The following EPG5 variants were observed in gnomAD, a reference collection of about 807,000 sequenced individuals.
EPG5 encodes ectopic P granules protein 5 homolog.
In EPG5, 159 loss-of-function variants were observed where a neutral mutation model predicts 302.7. That is an observed-to-expected ratio of 0.53 (90% CI 0.46 to 0.60). The LOEUF (loss-of-function observed/expected upper bound fraction) is 0.60. Ranked by LOEUF, EPG5 falls within the 20% of genes least tolerant of loss-of-function variation. The pLI is 0.00. For missense variants in EPG5, 2,896 were observed against 3,092.4 expected (o/e 0.94, Z 1.51); for synonymous variants, 1,158 against 1,136.8 (o/e 1.02, Z -0.37).
chr18:45,930,877 A>G (rs1249420079), intron 11 of EPG5, 47 bp from the exon 12 acceptor site: 2 of 1,482,406 alleles, frequency 1.3e-6, no homozygotes, highest in Non-Finnish European at 1.8e-6. Context: ...GAATAAATTT[A>G]TATCTTTTAA....
At chr18:45,829,875 C>T in the EPG5 span, among the ~76,000 whole-genome samples, 1 of 152,108 alleles carries the variant, frequency 6.6e-6, no homozygotes, top group Non-Finnish European at 1.5e-5. Flanking sequence ...CCTCAAAATC[C>T]GTGTCACATA....
At chr18:45,830,050 G>A in the EPG5 span, among the ~76,000 whole-genome samples, 2 of 152,264 alleles carry the variant, frequency 1.3e-5, no homozygotes, top group South Asian at 4.1e-4. Context: ...CAGAGAGCAA[G>A]TGACCCGTGC....
chr18:45,893,001 G>C (rs1240164444), intron 27 of EPG5, among the ~76,000 whole-genome samples: 1 of 152,100 alleles, frequency 6.6e-6, no homozygotes, highest in African/African-American at 2.4e-5. Flanking sequence ...CAGACTCAGA[G>C]AGAAAATGAA....
intron 27 of EPG5, among the ~76,000 whole-genome samples, chr18:45,892,278 G>A (rs1336841526): frequency 6.6e-6 from 1 of 152,084 alleles, no homozygotes; most frequent in Non-Finnish European, 1.5e-5. Context: ...CACTACTGTT[G>A]AAAGTTTTCT....
chr18:45,842,969 G>C (rs1380908665), downstream of EPG5: 1 of 152,354 alleles, frequency 6.6e-6, no homozygotes, highest in Non-Finnish European at 1.5e-5. Flanking sequence ...TTTACCCCAT[G>C]CCCCCTGGGA....
chr18:45,861,162 T>C (rs2145217553), intron 39 of EPG5, among the ~76,000 whole-genome samples: 1 of 152,288 alleles, frequency 6.6e-6, no homozygotes, highest in South Asian at 2.1e-4. Context: ...TCAAAACAAA[T>C]TCATCTACTT....
At chr18:45,954,280 T>C (rs2143776726) in intron 2 of EPG5, 114 bp downstream of exon 2, 1 of 968,282 alleles carries the variant, frequency 1.0e-6, no homozygotes, top group Non-Finnish European at 1.5e-6. Flanking sequence ...CTGCACTCTA[T>C]TACTCTAGGC....
intron 10 of EPG5, among the ~76,000 whole-genome samples, chr18:45,938,016 A>C (rs774754195): frequency 6.6e-6 from 1 of 152,198 alleles, no homozygotes; most frequent in African/African-American, 2.4e-5. Context: ...CACAAGAACA[A>C]GTAACAGATC....
chr18:45,858,489 A>G (rs2048563738), intron 41 of EPG5, 77 bp downstream of exon 41: 14 of 1,128,014 alleles, frequency 1.2e-5, no homozygotes, highest in Non-Finnish European at 1.7e-5. Flanking sequence ...CTGTGTACTT[A>G]AAGCTAGACT....
chr18:45,857,743 G>A (rs1408062222), intron 42 of EPG5, 110 bp downstream of exon 42: 24 of 634,746 alleles, frequency 3.8e-5, no homozygotes, highest in South Asian at 9.0e-5. Context: ...TCTTTCTGGA[G>A]AACCTAGATC....
chr18:45,959,316 G>T (rs912374239), intron 1 of EPG5, among the ~76,000 whole-genome samples: 1 of 151,912 alleles, frequency 6.6e-6, no homozygotes. Context: ...ATTCCAGCCT[G>T]GGTGACAGAG....
the EPG5 span, among the ~76,000 whole-genome samples, chr18:45,832,024 G>C: frequency 1.3e-5 from 2 of 152,190 alleles, no homozygotes; most frequent in African/African-American, 2.4e-5. Context: ...GAGCCGCCAC[G>C]CCCGGCCCAA....
the EPG5 span, among the ~76,000 whole-genome samples, chr18:45,823,008 T>A: frequency 6.6e-6 from 1 of 152,036 alleles, no homozygotes. Context: ...AGATCCTAGG[T>A]CAAGGGATAT....
intron 35 of EPG5, among the ~76,000 whole-genome samples, chr18:45,874,676 T>C (rs2048935192): frequency 6.6e-6 from 1 of 152,220 alleles, no homozygotes. Flanking sequence ...GATTCAATTA[T>C]CTTCCACTGG....
chr18:45,949,629 T>C, intron 4 of EPG5, 38 bp from the exon 5 acceptor site: 1 of 1,377,462 alleles, frequency 7.3e-7, no homozygotes, highest in Non-Finnish European at 1.0e-6. Context: ...CTATTTTTAA[T>C]AAAAGAAATA....
chr18:45,923,462 T>A, intron 14 of EPG5, 75 bp from the exon 15 acceptor site: 1 of 1,452,478 alleles, frequency 6.9e-7, no homozygotes, highest in Non-Finnish European at 9.4e-7. Context: ...ATCAAAACAT[T>A]AGGCAGAATA....
intron 11 of EPG5, 107 bp from the exon 12 acceptor site, chr18:45,930,937 C>A (rs980746918): frequency 6.3e-6 from 7 of 1,105,196 alleles, no homozygotes; most frequent in Non-Finnish European, 4.9e-6. Context: ...TACAAAAGGT[C>A]TTTCTTTGTT....
At position 45,929,681 on chromosome 18, in the gene EPG5, T is replaced by C. The variant is rs1262019648; in HGVS notation, c.2413-672A>G. On this transcript the variant is annotated intron_variant, in intron 12 of 43. Transcript: ENST00000282041. ...AAACTTTACTCAAGAGCATAAATATTACTTTAGCAACAGATCTTGAGAATG... is the reference window on the plus strand; with the variant it reads ...AAACTTTACTCAAGAGCATAAATATCACTTTAGCAACAGATCTTGAGAATG... 2.0e-5 allele frequency among the ~76,000 whole-genome samples: 3 copies of C among 152,208 alleles called. No individual in the cohort carries two copies. The East Asian group carries it at 5.8e-4, about 29-fold the overall frequency.
chr18:45,832,270 T>C, the EPG5 span, among the ~76,000 whole-genome samples: 471 of 152,272 alleles, frequency 3.1e-3, 2 homozygotes, highest in African/African-American at 0.01. Context: ...TTATATAACT[T>C]GCCCAAAGAT....
Sources: allele counts gnomAD v4.1 joint callset (sites outside exome capture counted in the v4.1 genomes callset), GRCh38; gene constraint gnomAD v4.1.1; transcripts MANE v1.5; gene names NCBI Gene and HGNC (gene_info 2026-07-23, HGNC 2026-07-21).